Variants in HEATR6 observed in about 807,000 individuals in gnomAD.
HEATR6 encodes HEAT repeat-containing protein 6.
A neutral mutation model predicts 132.8 loss-of-function variants in HEATR6; 106 were observed. The observed-to-expected ratio is 0.80, with a 90% CI of 0.68 to 0.94. HEATR6 has a LOEUF of 0.94. HEATR6 is among the 40% of genes least tolerant of loss of function. The probability of loss-of-function intolerance (pLI) is 0.00; values close to 1 mark genes in which losing one functional copy is unlikely to be tolerated. For missense variants in HEATR6, 1,339 were observed against 1,425.1 expected, an observed-to-expected ratio of 0.94 and a Z score of 0.97; for synonymous variants, 529 against 537.8, an observed-to-expected ratio of 0.98 and a Z score of 0.23.
intron 8 of HEATR6, among the ~76,000 whole-genome samples, 199 bp downstream of exon 8, chr17:60,067,233 GCA>G: frequency 7.2e-6 from 1 of 139,348 alleles, no homozygotes; most frequent in Admixed American, 7.6e-5. Flanking sequence ...TCCCGCCACT[GCA>G]CTCCAGCCTG....
rs746062275 is a variant in HEATR6 at position 60,043,731 on chromosome 17, C to T, written c.3378G>A (p.Gln1126=). 1.9e-6 allele frequency: 3 copies of T among 1,614,150 alleles called. No individual in the cohort carries two copies. The highest frequency in any genetic ancestry group is 2.2e-5 in the East Asian group (1 of 44,880). Residue 1126 remains glutamine (Q), a synonymous_variant, in exon 20 of 20, where the codon CAG becomes CAA. Transcript: ENST00000184956. ...GDDTGAPHSP[Q]ERDQMVRMAL... is the part of the protein sequence containing the mutation. ...CCATTCTGACCATCTGGTCTCTTTC[C>T]TGTGGGCTGTGGGGTGCTCCAGTGT...
intron 14 of HEATR6, 22 bp downstream of exon 14, chr17:60,055,493 C>A: frequency 6.5e-7 from 1 of 1,542,412 alleles, no homozygotes; most frequent in South Asian, 1.2e-5. Flanking sequence ...TAAAAGAAAA[C>A]TATGAATTGA....
chr17:60,046,775 A>G (rs1249519238), intron 18 of HEATR6, among the ~76,000 whole-genome samples: 1 of 152,212 alleles, frequency 6.6e-6, no homozygotes, highest in East Asian at 1.9e-4. Flanking sequence ...TGGGTCAGGT[A>G]CTGTGCTAGG....
intron 16 of HEATR6, 145 bp from the exon 17 acceptor site, chr17:60,048,533 G>C: frequency 1.2e-6 from 1 of 843,536 alleles, no homozygotes; most frequent in Non-Finnish European, 1.7e-6. Flanking sequence ...TCAATTTACT[G>C]TTCTTATATT....
At chr17:60,055,451 G>A in intron 14 of HEATR6, 64 bp downstream of exon 14, 2 of 1,070,098 alleles carry the variant, frequency 1.9e-6, no homozygotes, top group East Asian at 2.4e-5. Context: ...TTATCACTGA[G>A]CTTCAAAATA....
intron 14 of HEATR6, among the ~76,000 whole-genome samples, chr17:60,052,232 A>G (rs1165843564): frequency 6.6e-6 from 1 of 152,060 alleles, no homozygotes; most frequent in African/African-American, 2.4e-5. Flanking sequence ...AAGTCTTGCA[A>G]CCCGTCAGTT....
intron 14 of HEATR6, among the ~76,000 whole-genome samples, chr17:60,054,448 T>C (rs1463168964): frequency 6.6e-6 from 1 of 152,098 alleles, no homozygotes; most frequent in Non-Finnish European, 1.5e-5. Flanking sequence ...CACTGCCTAG[T>C]GGAACTCTGG....
chr17:60,076,652 A>C (rs1175800515), intron 1 of HEATR6: 1 of 158,552 alleles, frequency 6.3e-6, no homozygotes, highest in East Asian at 1.9e-4. Flanking sequence ...ACAGTGAGCT[A>C]TGATCTTGCT....
chr17:60,053,740 C>T (rs966890355), intron 14 of HEATR6, among the ~76,000 whole-genome samples: 16 of 152,182 alleles, frequency 1.1e-4, no homozygotes, highest in African/African-American at 3.6e-4. Context: ...TAAGGTTGAA[C>T]TTAAGAGTAA....
intron 12 of HEATR6, 35 bp from the exon 13 acceptor site, chr17:60,056,272 C>T (rs1251017960): frequency 6.3e-7 from 1 of 1,589,664 alleles, no homozygotes; most frequent in African/African-American, 1.4e-5. Context: ...CCTCTAAGAC[C>T]TGAGTGCAAG....
intron 9 of HEATR6, among the ~76,000 whole-genome samples, chr17:60,062,482 A>G (rs1340118770): frequency 6.6e-6 from 1 of 152,220 alleles, no homozygotes; most frequent in Non-Finnish European, 1.5e-5. Flanking sequence ...GCTACTTAAG[A>G]ACGTAGCACA....
chr17:60,050,925 T>C lies in HEATR6; in HGVS notation c.2342A>G (p.Gln781Arg). Reference sequence around the variant, plus strand: ...CTGGAGAGTTGGGTGTTCTGAATTCTGCAGGGCTCTGGGTAAAGGACCGTT... The same window carrying C: ...CTGGAGAGTTGGGTGTTCTGAATTCCGCAGGGCTCTGGGTAAAGGACCGTT... ...MLNGPLPRALQNSEHPTLQAS... is the reference protein window; with the variant it reads ...MLNGPLPRALRNSEHPTLQAS... Residue 781 changes from glutamine (Q) to arginine (R), a missense_variant, in exon 15 of 20, where the codon CAG becomes CGG. Coordinates refer to ENST00000184956, the MANE Select transcript of HEATR6 (RefSeq NM_022070.5). The C allele has an allele frequency of 6.2e-7, 1 of 1,614,216 alleles. No homozygotes were observed. Among genetic ancestry groups the C allele is most frequent in the Middle Eastern group, 1.6e-4 (1 of 6,062 alleles).
intron 4 of HEATR6, 33 bp from the exon 5 acceptor site, chr17:60,072,362 A>C: frequency 3.0e-5 from 37 of 1,228,010 alleles, no homozygotes; most frequent in Non-Finnish European, 3.9e-5. Context: ...ACTCAAACTC[A>C]GTCTCCTTTA....
At chr17:60,065,909 A>C (rs2083237979) in intron 9 of HEATR6, among the ~76,000 whole-genome samples, 1 of 152,232 alleles carries the variant, frequency 6.6e-6, no homozygotes, top group African/African-American at 2.4e-5. Context: ...CAACATTTTC[A>C]TAAAAGGAAG....
chr17:60,060,644 C>T (rs2083205465), intron 9 of HEATR6, among the ~76,000 whole-genome samples: 1 of 152,142 alleles, frequency 6.6e-6, no homozygotes, highest in Non-Finnish European at 1.5e-5. Flanking sequence ...GAGTCTGTTT[C>T]CTATTAAAGT....
Position 60,066,313 on chromosome 17 carries a change from CT to C in HEATR6, c.1311del (p.Val438PhefsTer24), listed in dbSNP as rs748699945. ...FLSTIKSIEKKVLYGYWSAFI... is the reference protein window; with the variant it reads ...FLSTIKSIEKXVLYGYWSAFI... ...AAAGCTGACCAGTAGCCATAAAGAA[CT>C]TTTTTTTCTATCGATTTTATAGTAG... On this transcript the variant is annotated frameshift_variant, in exon 9 of 20. Transcript: ENST00000184956. LOFTEE classifies it high-confidence loss of function. The C allele has an allele frequency of 2.6e-5, 42 of 1,613,310 alleles. No homozygotes were observed. The highest frequency in any genetic ancestry group is 8.3e-5 in the Admixed American group (5 of 59,930).
In HEATR6 at chr17:60,046,046, T is replaced by A. The variant is rs1411755793; in HGVS notation, c.2953A>T (p.Lys985Ter). 1.1e-5 allele frequency: 17 copies of A among 1,613,782 alleles called. No homozygotes were observed. Among genetic ancestry groups the A allele is most frequent in the Non-Finnish European group, 1.4e-5 (17 of 1,179,900 alleles). Residue 985 changes from lysine to a stop codon, truncating the protein, a stop_gained, in exon 19 of 20, where the codon AAA becomes TAA. Transcript: ENST00000184956. LOFTEE classifies it high-confidence loss of function. ...TTACCTAAAGGAAGGGCAGGATTTT[T>A]AAATACATTTCCCATTGCATAACAA... Reference protein sequence around the residue: ...NACYAMGNVFKNPALPLGTAP... With the variant: ...NACYAMGNVF
rs772087574 is a variant in HEATR6 at position 60,060,092 on chromosome 17, C to T, written c.1421G>A (p.Arg474His). The T allele has an allele frequency of 5.0e-6, 8 of 1,613,048 alleles. No individual in the cohort carries two copies. Among genetic ancestry groups the T allele is most frequent in the South Asian group, 1.1e-5 (1 of 91,054 alleles). The change falls in exon 10 of 20, where the codon CGT (arginine) becomes CAT (histidine). Residue 474 changes from arginine to histidine, a missense_variant. Arg to His is a conservative substitution (Grantham distance 29). Transcript: ENST00000184956. ...LTLKDPSPKTRACALQVLSAI... is the reference protein window; with the variant it reads ...LTLKDPSPKTHACALQVLSAI... ...AGATAAAACTTGCAGAGCACAGGCA[C>T]GTGTCTGAAATTTCGGGATGATTCA...
rs904185718 is a variant in HEATR6, at chr17:60,067,502, A to T, written c.1170T>A (p.Ser390Arg). The T allele has an allele frequency of 4.4e-6, 7 of 1,607,620 alleles. No individual in the cohort carries two copies. The highest frequency in any genetic ancestry group is 5.9e-6 in the Non-Finnish European group (7 of 1,177,776). ...ACTCACTACTGCTGACCCTTTTCCAACTGGAAGAACTGAAGGATGAGGAGA... is the reference window on the plus strand; with the variant it reads ...ACTCACTACTGCTGACCCTTTTCCATCTGGAAGAACTGAAGGATGAGGAGA... Reference protein sequence around the residue: ...DGVSSSFSSSSWKRVSSSESD... With the variant: ...DGVSSSFSSSRWKRVSSSESD... Residue 390 changes from serine to arginine, a missense_variant, in exon 8 of 20, where the codon AGT (serine) becomes AGA (arginine). Transcript: ENST00000184956.
Sources: allele counts gnomAD v4.1 joint callset (sites outside exome capture counted in the v4.1 genomes callset), GRCh38; gene constraint gnomAD v4.1.1; transcripts MANE v1.5; gene names NCBI Gene and HGNC (gene_info 2026-07-23, HGNC 2026-07-21).